BTBD8: variants seen among roughly 807,000 people sequenced by gnomAD.
BTBD8 encodes the protein BTB domain containing 8.
A neutral mutation model predicts 162.9 loss-of-function variants in BTBD8; 110 were observed. The ratio of observed to expected loss-of-function variants is 0.68; its 90% CI spans 0.58 to 0.79. BTBD8 has a LOEUF of 0.79. Ranked by LOEUF, BTBD8 falls within the 30% of genes least tolerant of loss-of-function variation. BTBD8 has a pLI of 0.00. For synonymous variants in BTBD8, 667 were observed against 716.1 expected (o/e 0.93, Z 1.10); for missense variants, 1,905 against 2,085.4 (o/e 0.91, Z 1.68).
chr1:92,119,893 C>CTTTTTTTTTT (rs58297367), intron 4 of BTBD8, among the ~76,000 whole-genome samples: 1 of 58,386 alleles, frequency 1.7e-5, no homozygotes, highest in Non-Finnish European at 3.0e-5. Flanking sequence ...CGGCCCTTTT[C>CTTTTTTTTTT]TTTTTTTTTT....
At chr1:92,182,683 T>C in intron 17 of BTBD8, 88 bp downstream of exon 17, 1 of 755,744 alleles carries the variant, frequency 1.3e-6, no homozygotes, top group Non-Finnish European at 1.9e-6. Context: ...TGTTATATTT[T>C]AGTCAGATAG....
In BTBD8 at chr1:92,154,561, C is replaced by T. The variant is rs1601022; in HGVS notation, c.1122+6775C>T. Among the ~76,000 whole-genome samples the T allele has an allele frequency of 1.6e-3, 243 of 152,216 alleles. 2 individuals are homozygous for T. Among genetic ancestry groups the T allele is most frequent in the Admixed American group, 0.013 (204 of 15,290 alleles). ...TGACATAGAACATCTTTTCATATAC[C>T]TGTTGGCCATTTGTATGTCATCTTT... On this transcript the variant is annotated intron_variant, in intron 9 of 17. Transcript: ENST00000636805.
intron 4 of BTBD8, among the ~76,000 whole-genome samples, chr1:92,122,617 G>A (rs1255948812): frequency 6.6e-6 from 1 of 151,916 alleles, no homozygotes; most frequent in Non-Finnish European, 1.5e-5. Context: ...AGGCTGGAGT[G>A]CAGTGGCATG....
chr1:92,138,712 C>T (rs777563331), intron 5 of BTBD8, among the ~76,000 whole-genome samples: 3 of 152,138 alleles, frequency 2.0e-5, no homozygotes, highest in Admixed American at 6.5e-5. Flanking sequence ...AGATGCAAGA[C>T]GCTATGTAGC....
intron 4 of BTBD8, among the ~76,000 whole-genome samples, chr1:92,119,458 G>T (rs1420540932): frequency 1.3e-5 from 2 of 150,524 alleles, no homozygotes; most frequent in Non-Finnish European, 3.0e-5. Flanking sequence ...GCTAATTTTT[G>T]TATTTTTTGT....
chr1:92,166,164 A>G (rs1650380142), intron 9 of BTBD8, among the ~76,000 whole-genome samples: 1 of 152,196 alleles, frequency 6.6e-6, no homozygotes, highest in Non-Finnish European at 1.5e-5. Context: ...TATAAACAGT[A>G]GAGTCTTAAC....
intron 4 of BTBD8, chr1:92,126,475 C>G: frequency 2.5e-6 from 2 of 811,196 alleles, no homozygotes; most frequent in Non-Finnish European, 3.9e-6. Flanking sequence ...AAATCTGCCT[C>G]TTGGGCCTCC....
chr1:92,180,002 C>T (rs1384072172), intron 16 of BTBD8, among the ~76,000 whole-genome samples: 1 of 151,990 alleles, frequency 6.6e-6, no homozygotes, highest in Non-Finnish European at 1.5e-5. Context: ...AGTCTGTTTA[C>T]TTGAGGAAGA....
intron 5 of BTBD8, among the ~76,000 whole-genome samples, chr1:92,138,702 A>G (rs1282721680): frequency 6.6e-6 from 1 of 152,224 alleles, no homozygotes; most frequent in Non-Finnish European, 1.5e-5. Flanking sequence ...GGCTGGGGTA[A>G]GATGCAAGAC....
rs1649947115 is a variant in BTBD8 at position 92,147,274 on chromosome 1, T to C, written c.1019+6T>C. ...CTTTTTGCTGACTGCATGAAGTAAG[T>C]TATGTTAAGTAGTGCTGATACTATT... On this transcript the variant is annotated splice_donor_region_variant and intron_variant, in intron 8 of 17. Coordinates refer to ENST00000636805, the MANE Select transcript of BTBD8 (RefSeq NM_001376131.1). 1.3e-6 allele frequency: 2 copies of C among 1,592,544 alleles called. No individual in the cohort carries two copies. Among genetic ancestry groups the C allele is most frequent in the Admixed American group, 3.4e-5 (2 of 59,298 alleles).
At position 92,113,778 on chromosome 1, in the gene BTBD8, C is replaced by T. The variant is rs547470399; in HGVS notation, c.662+5777C>T. On this transcript the variant is annotated intron_variant, in intron 4 of 17. Transcript: ENST00000636805. ...CTGTAATCCCAGCACTTTGGGAGGC[C>T]GAGGCGGGCGGATCATGAGGTCAGG... is the stretch of plus-strand genomic sequence containing the variant. 1.3e-4 allele frequency among the ~76,000 whole-genome samples: 19 copies of T among 151,868 alleles called. No homozygotes were observed. In the East Asian group the frequency reaches 3.3e-3, roughly 26 times the overall value.
chr1:92,139,686 G>T lies in BTBD8; in HGVS notation c.833+256G>T, dbSNP rs1314641661. 7 of 576,058 alleles carry T rather than the reference G, an allele frequency of 1.2e-5. No homozygotes were observed. In the East Asian group the frequency reaches 4.4e-4, roughly 37 times the overall value. The allele number at this position is 576,058 out of a possible 1,614,324, so 35.7% of individuals were successfully genotyped here. On this transcript the variant is annotated intron_variant, in intron 6 of 17. Transcript: ENST00000636805. Reference sequence around the variant, plus strand: ...AAATTTAGAAGAAGCTATAAATTATGGTTTATAGATCAATAAATTGATTAA... The same window carrying T: ...AAATTTAGAAGAAGCTATAAATTATTGTTTATAGATCAATAAATTGATTAA...
chr1:92,111,223 C>T (rs939721263), intron 4 of BTBD8, among the ~76,000 whole-genome samples: 2 of 151,582 alleles, frequency 1.3e-5, no homozygotes, highest in Non-Finnish European at 2.9e-5. Context: ...AAACTCCTGA[C>T]CTCGAGTAAT....
Position 92,167,909 on chromosome 1 carries a change from A to C in BTBD8, c.1367A>C (p.Asn456Thr). Residue 456 changes from asparagine (N) to threonine (T), a missense_variant, in exon 11 of 18, where the codon AAT becomes ACT. Physicochemically the swap from Asn to Thr is moderately conservative, Grantham distance 65. Transcript: ENST00000636805. ...ACAATTTTAAAAGCAATTGAAGAAA[A>C]TATCACCACTGAAAATAGCTGCTCT... ...LDTILKAIEENITTENSCSLL... is the reference protein window; with the variant it reads ...LDTILKAIEETITTENSCSLL... The C allele has an allele frequency of 6.4e-7, 1 of 1,551,042 alleles. No individual in the cohort carries two copies. The highest frequency in any genetic ancestry group is 8.7e-7 in the Non-Finnish European group (1 of 1,146,454).
chr1:92,148,755 G>A (rs1649983134), intron 9 of BTBD8, among the ~76,000 whole-genome samples: 1 of 152,184 alleles, frequency 6.6e-6, no homozygotes, highest in African/African-American at 2.4e-5. Context: ...TTTCCATGTG[G>A]GGACACAAGT....
chr1:92,121,563 T>C (rs1270393322), intron 4 of BTBD8, among the ~76,000 whole-genome samples: 2 of 152,222 alleles, frequency 1.3e-5, no homozygotes, highest in African/African-American at 4.8e-5. Flanking sequence ...TCTTTTTTTA[T>C]AGTTAAGTAT....
chr1:92,146,597 G>T (rs1367914656), intron 7 of BTBD8, among the ~76,000 whole-genome samples: 1 of 152,024 alleles, frequency 6.6e-6, no homozygotes, highest in African/African-American at 2.4e-5. Flanking sequence ...AATCCTCTAT[G>T]CTCTGACTGC....
rs1267963049 is a variant in BTBD8, at chr1:92,176,936, T to G, written c.1743T>G (p.Ser581=). ...SYLSTNKKMK[S]DGLGASGHSS... is the part of the protein sequence containing the mutation. ...TCTCTACTAATAAAAAGATGAAATC[T>G]GATGGATTAGGAGCATCTGGACATT... Residue 581 remains serine, a synonymous_variant, in exon 14 of 18, where the codon TCT becomes TCG. Transcript: ENST00000636805. 6.5e-7 allele frequency: 1 copy of G among 1,540,692 alleles called. No homozygotes were observed. The highest frequency in any genetic ancestry group is 8.8e-7 in the Non-Finnish European group (1 of 1,141,818).
chr1:92,180,826 GT>G lies in BTBD8; in HGVS notation c.3146del (p.Leu1049Ter). ...LKHELESKQICLDKSETKFPN... is the reference protein window; with the variant it reads ...LKHELESKQIXLDKSETKFPN... ...CACGAACTGGAATCAAAACAGATTT[GT>G]TTAGATAAAAGTGAAACAAAATTTC... is the stretch of plus-strand genomic sequence containing the variant. On this transcript the variant is annotated frameshift_variant, in exon 17 of 18. Coordinates refer to ENST00000636805, the MANE Select transcript of BTBD8 (RefSeq NM_001376131.1). LOFTEE classifies it high-confidence loss of function. 1 of 1,551,490 alleles carries G rather than the reference GT, an allele frequency of 6.4e-7. No individual in the cohort carries two copies. Among genetic ancestry groups the G allele is most frequent in the Non-Finnish European group, 8.7e-7 (1 of 1,146,946 alleles).
Sources: allele counts gnomAD v4.1 joint callset (sites outside exome capture counted in the v4.1 genomes callset), GRCh38; gene constraint gnomAD v4.1.1; transcripts MANE v1.5; gene names NCBI Gene and HGNC (gene_info 2026-07-23, HGNC 2026-07-21).